Variants in CFH observed in about 807,000 individuals in gnomAD.
The protein encoded by CFH is complement factor H, also known as H factor 1 (complement).
In CFH, 53 loss-of-function variants were observed where a neutral mutation model predicts 147.3. The ratio of observed to expected loss-of-function variants is 0.36; its 90% CI spans 0.29 to 0.45. The LOEUF (loss-of-function observed/expected upper bound fraction) is 0.45, where lower values mean the gene tolerates loss of function less well. Ranked by LOEUF, CFH falls within the 20% of genes least tolerant of loss-of-function variation. CFH has a pLI of 1.00. For synonymous variants in CFH, 536 were observed against 489.4 expected (o/e 1.10, Z -1.26); for missense variants, 1,380 against 1,498.0 (o/e 0.92, Z 1.30).
chr1:196,709,153 C>T (rs900253336), intron 9 of CFH, among the ~76,000 whole-genome samples: 3 of 152,136 alleles, frequency 2.0e-5, no homozygotes, highest in South Asian at 2.1e-4. Flanking sequence ...TCAGCAGTCT[C>T]GCTGGAGACC....
chr1:196,720,934 C>G (rs959848077), intron 11 of CFH, among the ~76,000 whole-genome samples: 1 of 151,848 alleles, frequency 6.6e-6, no homozygotes, highest in African/African-American at 2.4e-5. Flanking sequence ...AGCGTATAAG[C>G]ATTCTTCTTT....
chr1:196,705,274 A>G (rs1013186729), intron 9 of CFH, among the ~76,000 whole-genome samples: 2 of 152,038 alleles, frequency 1.3e-5, no homozygotes, highest in African/African-American at 4.8e-5. Flanking sequence ...TCAATTATAT[A>G]TTTTAGGTTT....
intron 11 of CFH, among the ~76,000 whole-genome samples, chr1:196,722,940 A>T (rs1438967566): frequency 2.6e-5 from 4 of 152,058 alleles, no homozygotes; most frequent in South Asian, 2.1e-4. Context: ...TTTGTTTTTT[A>T]AAAAATATTT....
chr1:196,701,262 G>A (rs762198370), intron 9 of CFH: 8 of 1,612,556 alleles, frequency 5.0e-6, no homozygotes, highest in Non-Finnish European at 6.8e-6. Context: ...GGAGTTGCTA[G>A]TGGAATCTCA....
chr1:196,654,775 G>A (rs528660719), intron 1 of CFH, among the ~76,000 whole-genome samples: 5 of 152,232 alleles, frequency 3.3e-5, no homozygotes, highest in East Asian at 1.9e-4. Flanking sequence ...GTGCAGAAAC[G>A]TTATTTCAGG....
intron 11 of CFH, among the ~76,000 whole-genome samples, chr1:196,716,399 G>A (rs757825224): frequency 6.6e-6 from 1 of 152,066 alleles, no homozygotes. Context: ...GGGAGGCAAG[G>A]AAACAATTAT....
At chr1:196,707,704 G>A (rs1668625394) in intron 9 of CFH, among the ~76,000 whole-genome samples, 1 of 152,148 alleles carries the variant, frequency 6.6e-6, no homozygotes, top group African/African-American at 2.4e-5. Context: ...AACCCTATCT[G>A]AATGGATAAG....
At chr1:196,719,924 TA>T (rs1668959851) in intron 11 of CFH, among the ~76,000 whole-genome samples, 2 of 151,664 alleles carry the variant, frequency 1.3e-5, no homozygotes, top group South Asian at 2.1e-4. Flanking sequence ...GTGTTTTTTA[TA>T]TTTTTTTTAA....
intron 9 of CFH, among the ~76,000 whole-genome samples, chr1:196,698,994 A>G (rs1297361713): frequency 6.6e-6 from 1 of 152,204 alleles, no homozygotes; most frequent in East Asian, 1.9e-4. Context: ...CCTTCAATAA[A>G]ATTCAACACC....
intron 10 of CFH, 129 bp downstream of exon 10, chr1:196,714,046 G>A (rs1668786784): frequency 5.1e-6 from 4 of 788,340 alleles, no homozygotes; most frequent in South Asian, 3.3e-5. Flanking sequence ...CAGGAACAAA[G>A]CAGACATCAA....
At position 196,741,081 on chromosome 1, in the gene CFH, C is replaced by A. The variant is rs557878375; in HGVS notation, c.2956+289C>A. ...AGCTGCCTCTACTCATCAATCTCCA[C>A]ATTATTCAATCTTCTGTCAGTTTAT... On this transcript the variant is annotated intron_variant, in intron 18 of 21. Coordinates refer to ENST00000367429, the MANE Select transcript of CFH (RefSeq NM_000186.4). The A allele has an allele frequency of 8.1e-5, 32 of 394,944 alleles. No individual in the cohort carries two copies. In the South Asian group the frequency reaches 8.5e-4, roughly 10 times the overall value. 24.5% of individuals were successfully genotyped at this position (394,944 alleles called of 1,614,324 possible). A position where few individuals can be genotyped will look rare whatever the true frequency, so the allele number is the denominator to read the frequency against.
At chr1:196,746,093 A>G (rs1573085892) in intron 21 of CFH, 94 bp downstream of exon 21, 1 of 1,598,776 alleles carries the variant, frequency 6.3e-7, no homozygotes, top group East Asian at 2.2e-5. Context: ...TTATTGAACA[A>G]CCATTCTGCT....
intron 11 of CFH, among the ~76,000 whole-genome samples, chr1:196,722,608 C>T (rs1430943891): frequency 3.3e-5 from 5 of 152,090 alleles, no homozygotes; most frequent in Non-Finnish European, 5.9e-5. Context: ...GTTATCTGAG[C>T]CTCTTGTATA....
intron 5 of CFH, 37 bp from the exon 6 acceptor site, chr1:196,679,586 G>A: frequency 2.8e-6 from 4 of 1,454,334 alleles, no homozygotes; most frequent in Non-Finnish European, 3.9e-6. Context: ...CCTTTAATTT[G>A]CAATAAACAT....
chr1:196,736,140 G>A (rs1434914001), intron 15 of CFH, among the ~76,000 whole-genome samples: 11 of 152,098 alleles, frequency 7.2e-5, no homozygotes, highest in African/African-American at 2.6e-4. Context: ...AGTTTACAAA[G>A]GTGTCTTTAT....
At chr1:196,742,865 A>C (rs1652858161) in intron 19 of CFH, among the ~76,000 whole-genome samples, 1 of 152,152 alleles carries the variant, frequency 6.6e-6, no homozygotes, top group Non-Finnish European at 1.5e-5. Context: ...GGTTATTTTT[A>C]TTATTATAGG....
intron 3 of CFH, among the ~76,000 whole-genome samples, chr1:196,674,952 T>G (rs1255991408): frequency 6.6e-6 from 1 of 152,178 alleles, no homozygotes; most frequent in African/African-American, 2.4e-5. Context: ...TAATTTCTTA[T>G]GAATTTATTC....
At chr1:196,740,093 A>T (rs424535) in intron 17 of CFH, among the ~76,000 whole-genome samples, 72,296 of 151,918 alleles carry the variant, frequency 0.48, 19,279 homozygotes, top group African/African-American at 0.72. Context: ...AGCAGAGGAA[A>T]AATCGCCCTC....
chr1:196,672,861 A>G (rs1236166042), intron 1 of CFH, 117 bp from the exon 2 acceptor site: 2 of 744,136 alleles, frequency 2.7e-6, no homozygotes, highest in Non-Finnish European at 4.5e-6. Context: ...AGAGAGAGAG[A>G]GAGAAATTTA....
Sources: gnomAD v4.1 joint callset for allele counts (sites outside exome capture counted in the v4.1 genomes callset) on GRCh38, gnomAD v4.1.1 for gene constraint, MANE v1.5 for transcripts, NCBI Gene and HGNC (gene_info 2026-07-23, HGNC 2026-07-21) for gene names.